Variants in TACC1 observed in about 807,000 individuals in gnomAD.
The protein encoded by TACC1 is transforming acidic coiled-coil containing protein 1.
A neutral mutation model predicts 84.4 loss-of-function variants in TACC1; 48 were observed. That is an observed-to-expected ratio of 0.57 (90% confidence interval 0.45 to 0.72). The LOEUF (loss-of-function observed/expected upper bound fraction) is 0.72, where lower values mean the gene tolerates loss of function less well. Ranked by LOEUF, TACC1 falls within the 30% of genes least tolerant of loss-of-function variation. The probability of loss-of-function intolerance (pLI) is 0.00; values close to 1 mark genes in which losing one functional copy is unlikely to be tolerated. For missense variants in TACC1, 920 were observed against 973.0 expected (o/e 0.95, Z 0.72); for synonymous variants, 372 against 376.3 (o/e 0.99, Z 0.13).
At chr8:38,845,387 A>G (rs528226797) in intron 11 of TACC1, among the ~76,000 whole-genome samples, 2 of 152,150 alleles carry the variant, frequency 1.3e-5, no homozygotes, top group Non-Finnish European at 2.9e-5. Context: ...ATGCCTCTAT[A>G]TATTATACGT....
At chr8:38,742,784 G>A (rs766935592) in intron 2 of TACC1, among the ~76,000 whole-genome samples, 20 of 152,020 alleles carry the variant, frequency 1.3e-4, no homozygotes, top group South Asian at 2.1e-4. Flanking sequence ...GCACGATCTC[G>A]GCTCACTGCA....
intron 3 of TACC1, among the ~76,000 whole-genome samples, chr8:38,751,337 G>A (rs974469127): frequency 1.3e-5 from 2 of 152,232 alleles, no homozygotes. Flanking sequence ...AGGCAGTAAA[G>A]TATAGAGGCT....
chr8:38,831,104 A>G, intron 5 of TACC1, 21 bp from the exon 6 acceptor site: 1 of 1,613,888 alleles, frequency 6.2e-7, no homozygotes, highest in African/African-American at 1.3e-5. Flanking sequence ...GGATAACTAT[A>G]AAAATGACTT....
At chr8:38,741,146 C>T (rs985594135) in intron 1 of TACC1, among the ~76,000 whole-genome samples, 9 of 151,560 alleles carry the variant, frequency 5.9e-5, no homozygotes, top group African/African-American at 2.2e-4. Flanking sequence ...TAAAAAAATA[C>T]TCATGCTGCT....
At chr8:38,845,421 T>C (rs1832042836) in intron 11 of TACC1, among the ~76,000 whole-genome samples, 1 of 152,238 alleles carries the variant, frequency 6.6e-6, no homozygotes, top group South Asian at 2.1e-4. Flanking sequence ...ATCCCTCTAG[T>C]CGTTTCTTTG....
chr8:38,784,976 T>G (rs755243803), upstream of TACC1, among the ~76,000 whole-genome samples: 1 of 152,188 alleles, frequency 6.6e-6, no homozygotes, highest in Non-Finnish European at 1.5e-5. Context: ...GAATGCTGTC[T>G]TTCACTTTCA....
At chr8:38,777,673 G>A (rs112842999) in intron 3 of TACC1, among the ~76,000 whole-genome samples, 146 of 152,260 alleles carry the variant, frequency 9.6e-4, no homozygotes, top group Non-Finnish European at 1.7e-3. Flanking sequence ...TGTGCACCTG[G>A]ATTTCCAGCT....
chr8:38,827,233 G>T lies in TACC1; in HGVS notation c.1518G>T (p.Glu506Asp). Residue 506 changes from glutamate (E) to aspartate (D), a missense_variant, in exon 5 of 13, where the codon GAG becomes GAT. Coordinates refer to ENST00000317827, the MANE Select transcript of TACC1 (RefSeq NM_006283.3). ...ISNRDGHATD[E>D]EKLASTSCGQ... The stretch of plus-strand genomic sequence containing the variant: ...ATAGGGATGGCCATGCTACTGATGA[G>T]GAGAAACTGGCATCCACGTCATGTG... The T allele has an allele frequency of 6.2e-7, 1 of 1,614,190 alleles. No homozygotes were observed. The highest frequency in any genetic ancestry group is 1.1e-5 in the South Asian group (1 of 91,088).
intron 3 of TACC1, among the ~76,000 whole-genome samples, chr8:38,778,231 C>T (rs985668463): frequency 2.6e-4 from 40 of 151,706 alleles, no homozygotes; most frequent in Admixed American, 1.8e-3. Flanking sequence ...CAATCATGAG[C>T]CACCACACCT....
chr8:38,847,873 C>G, intron 12 of TACC1, 82 bp from the exon 13 acceptor site: 1 of 1,158,434 alleles, frequency 8.6e-7, no homozygotes, highest in Non-Finnish European at 1.3e-6. Flanking sequence ...TAGGGTAGAT[C>G]CAGACTTGGG....
intron 2 of TACC1, among the ~76,000 whole-genome samples, chr8:38,813,967 G>A (rs922390740): frequency 6.6e-6 from 1 of 152,068 alleles, no homozygotes; most frequent in Non-Finnish European, 1.5e-5. Flanking sequence ...AAGTCCTCAG[G>A]TACCTCCATT....
At chr8:38,836,121 G>C in intron 6 of TACC1, 41 bp from the exon 7 acceptor site, 1 of 1,607,764 alleles carries the variant, frequency 6.2e-7, no homozygotes, top group Non-Finnish European at 8.5e-7. Flanking sequence ...GGGTTAAGAA[G>C]CTGAAAGCTG....
At position 38,846,806 on chromosome 8, in the gene TACC1, C is replaced by A. The variant is rs774756956; in HGVS notation, c.2336C>A (p.Ala779Asp). 7.4e-6 allele frequency: 12 copies of A among 1,613,968 alleles called. No homozygotes were observed. The highest frequency in any genetic ancestry group is 9.3e-6 in the Non-Finnish European group (11 of 1,179,988). Residue 779 changes from alanine to aspartate, a missense_variant, in exon 12 of 13, where the codon GCC becomes GAC. Coordinates refer to ENST00000317827, the MANE Select transcript of TACC1 (RefSeq NM_006283.3). The part of the protein sequence containing the change: ...EQMKVESLER[A>D]LQQKNQEIEE... ...ATGAAGGTGGAGTCCCTGGAAAGGG[C>A]CCTGCAGCAGAAGGTACAGAAAGGG...
At chr8:38,788,613 C>T in intron 1 of TACC1, 91 bp from the exon 2 acceptor site, 1 of 1,033,476 alleles carries the variant, frequency 9.7e-7, no homozygotes, top group Middle Eastern at 2.1e-4. Context: ...GACAAAAGTG[C>T]TGGACTTTTA....
chr8:38,823,862 C>A, intron 3 of TACC1: 1 of 583,772 alleles, frequency 1.7e-6, no homozygotes, highest in South Asian at 1.5e-5. Context: ...TAATTTGTAT[C>A]TCACCTCATA....
At chr8:38,734,739 C>T (rs1805634846) in intron 1 of TACC1, among the ~76,000 whole-genome samples, 1 of 152,238 alleles carries the variant, frequency 6.6e-6, no homozygotes, top group East Asian at 1.9e-4. Context: ...CTGGCAGTCG[C>T]GTTGCTGGCC....
At chr8:38,767,441 C>G (rs768879498) in intron 3 of TACC1, among the ~76,000 whole-genome samples, 10 of 152,206 alleles carry the variant, frequency 6.6e-5, no homozygotes, top group Non-Finnish European at 1.2e-4. Context: ...ATACCCAAAG[C>G]AGAGATTGGC....
At chr8:38,754,389 C>T (rs1025150235) in intron 3 of TACC1, among the ~76,000 whole-genome samples, 6 of 152,200 alleles carry the variant, frequency 3.9e-5, no homozygotes, top group African/African-American at 1.4e-4. Context: ...TCTCCTGCCT[C>T]TCCCGCTCCT....
At chr8:38,740,522 G>A (rs1357597105) in intron 1 of TACC1, among the ~76,000 whole-genome samples, 2 of 152,166 alleles carry the variant, frequency 1.3e-5, no homozygotes, top group African/African-American at 2.4e-5. Context: ...AGTATCCATA[G>A]CAATATAGAT....
Sources: gnomAD v4.1 joint callset for allele counts (sites outside exome capture counted in the v4.1 genomes callset) on GRCh38, gnomAD v4.1.1 for gene constraint, MANE v1.5 for transcripts, NCBI Gene and HGNC (gene_info 2026-07-23, HGNC 2026-07-21) for gene names.